CDKL5: variants seen among roughly 807,000 people sequenced by gnomAD.
The protein encoded by CDKL5 is cyclin-dependent kinase-like 5.
A neutral mutation model predicts 61.7 loss-of-function variants in CDKL5; 8 were observed. The observed-to-expected ratio is 0.13, with a 90% confidence interval of 0.08 to 0.23. The LOEUF (loss-of-function observed/expected upper bound fraction) is 0.23, where lower values mean the gene tolerates loss of function less well. Among genes scored for constraint, CDKL5 ranks in the 10% least tolerant of loss-of-function variants. CDKL5 has a pLI of 1.00. For synonymous variants in CDKL5, 275 were observed against 272.3 expected (o/e 1.01, Z -0.10); for missense variants, 440 against 734.5 (o/e 0.60, Z 4.63).
chrX:18,570,412 T>C (rs1925099186), intron 4 of CDKL5, among the ~76,000 whole-genome samples: 1 of 111,894 alleles, frequency 8.9e-6, no homozygotes, highest in South Asian at 3.8e-4. Context: ...CTCTAAAGAT[T>C]GGAGGGTCCT....
chrX:18,445,277 C>T (rs1183226869), intron 1 of CDKL5, among the ~76,000 whole-genome samples: 2 of 110,137 alleles, frequency 1.8e-5, no homozygotes, highest in Non-Finnish European at 3.8e-5. Context: ...AGGGTTTCAC[C>T]ATGTTGGTCA....
At position 18,533,152 on chromosome X, in the gene CDKL5, A is replaced by G. The variant is rs984586353; in HGVS notation, c.99+22298A>G. Among the ~76,000 whole-genome samples the G allele has an allele frequency of 5.3e-5, 6 of 112,249 alleles. No homozygotes were observed. In the Admixed American group the frequency reaches 5.7e-4, roughly 11 times the overall value. On this transcript the variant is annotated intron_variant, in intron 3 of 17. Coordinates refer to ENST00000623535, the MANE Select transcript of CDKL5 (RefSeq NM_001323289.2). Reference sequence around the variant, plus strand: ...TTTTAAAATGATTTGCCGTACTGAAAGGATTTGGTTGAAAATAATTAATTT... The same window carrying G: ...TTTTAAAATGATTTGCCGTACTGAAGGGATTTGGTTGAAAATAATTAATTT...
At chrX:18,557,734 T>C (rs1034698844) in intron 3 of CDKL5, among the ~76,000 whole-genome samples, 11 of 112,052 alleles carry the variant, frequency 9.8e-5, no homozygotes, top group Admixed American at 1.9e-4. Flanking sequence ...TAATACCAAT[T>C]AGTTGCTTTG....
intron 5 of CDKL5, among the ~76,000 whole-genome samples, chrX:18,577,468 G>A (rs1925336229): frequency 8.9e-6 from 1 of 112,147 alleles, no homozygotes; most frequent in African/African-American, 3.2e-5. Context: ...ATAAGGGACT[G>A]GTAACAGAGA....
downstream of CDKL5, chrX:18,642,105 G>A (rs61753174): frequency 1.7e-6 from 2 of 1,211,537 alleles, no homozygotes; most frequent in Non-Finnish European, 2.2e-6. Flanking sequence ...ATGATGGGGG[G>A]CCGCAGCAGG....
chrX:18,475,934 A>C (rs1463991071), intron 1 of CDKL5, among the ~76,000 whole-genome samples: 1 of 112,506 alleles, frequency 8.9e-6, no homozygotes, highest in South Asian at 3.6e-4. Flanking sequence ...AAAACAAGTA[A>C]CATTACTATT....
intron 1 of CDKL5, among the ~76,000 whole-genome samples, chrX:18,486,953 T>TA (rs1283471637): frequency 3.0e-3 from 312 of 103,044 alleles, no homozygotes; most frequent in Non-Finnish European, 4.2e-3. Context: ...TCCTCATTCC[T>TA]AAAAAAAAAA....
rs565218635 is a variant in CDKL5 at position 18,487,386 on chromosome X, C to T, written c.-162-19549C>T. Among the ~76,000 whole-genome samples, 10 of 112,643 alleles carry T rather than the reference C, an allele frequency of 8.9e-5. No homozygotes were observed. The South Asian group carries it at 3.3e-3, about 37-fold the overall frequency. Reference sequence around the variant, plus strand: ...GATCATAGCTTACTGCAGGCTTGAACTCCTAAGCTCAAGCTATCCTTCTGT... The same window carrying T: ...GATCATAGCTTACTGCAGGCTTGAATTCCTAAGCTCAAGCTATCCTTCTGT... On this transcript the variant is annotated intron_variant, in intron 1 of 17. Transcript: ENST00000623535.
chrX:18,440,553 A>G (rs1931714720), intron 1 of CDKL5, among the ~76,000 whole-genome samples: 1 of 111,403 alleles, frequency 9.0e-6, no homozygotes, highest in African/African-American at 3.3e-5. Context: ...GGCTCACTGC[A>G]ACCTCTGCCT....
chrX:18,644,269 G>A (rs1239295876), downstream of CDKL5, among the ~76,000 whole-genome samples: 5 of 111,866 alleles, frequency 4.5e-5, no homozygotes, highest in Non-Finnish European at 9.4e-5. Flanking sequence ...ACCAAAGCAA[G>A]CCCAGGAAAG....
intron 3 of CDKL5, among the ~76,000 whole-genome samples, chrX:18,530,782 G>A (rs1923617565): frequency 9.0e-6 from 1 of 111,502 alleles, no homozygotes; most frequent in Non-Finnish European, 1.9e-5. Context: ...GAATAAATAG[G>A]CCTTTAGTGT....
chrX:18,614,099 C>A (rs188127248), intron 15 of CDKL5, among the ~76,000 whole-genome samples: 1 of 111,330 alleles, frequency 9.0e-6, no homozygotes, highest in Non-Finnish European at 1.9e-5. Context: ...GGATTTGGAA[C>A]AAGACCAGTC....
chrX:18,502,784 A>G (rs986210747), intron 1 of CDKL5, among the ~76,000 whole-genome samples: 1 of 111,983 alleles, frequency 8.9e-6, no homozygotes, highest in Non-Finnish European at 1.9e-5. Flanking sequence ...CCTATTCAGT[A>G]GGGCATCCTG....
intron 19 of CDKL5, among the ~76,000 whole-genome samples, chrX:18,645,315 C>T: frequency 9.0e-6 from 1 of 111,173 alleles, no homozygotes; most frequent in Admixed American, 9.6e-5. Context: ...CCTGACTTTT[C>T]ACTTCTATCC....
intron 1 of CDKL5, among the ~76,000 whole-genome samples, chrX:18,457,757 A>G (rs1023041856): frequency 8.4e-5 from 9 of 107,220 alleles, no homozygotes; most frequent in Non-Finnish European, 1.5e-4. Flanking sequence ...CTGGGATTAC[A>G]GGTGCATGCT....
In CDKL5 at chrX:18,630,566, T is replaced by C. The variant is rs1189604466; in HGVS notation, c.*1809T>C. ...ATAGCTCTGATGATTATGAAGATTA[T>C]AAAGACTAAGGTCCTAGTTTCCCTG... On this transcript the variant is annotated 3_prime_UTR_variant, in exon 18 of 18. Coordinates refer to ENST00000623535, the MANE Select transcript of CDKL5 (RefSeq NM_001323289.2). 1.3e-6 allele frequency: 1 copy of C among 750,337 alleles called. No homozygotes were observed. Among genetic ancestry groups the C allele is most frequent in the East Asian group, 1.5e-4 (1 of 6,571 alleles). The allele number at this position is 750,337 out of a possible 1,213,427, so 61.8% of individuals were successfully genotyped here.
chrX:18,513,646 T>G (rs1418813519), intron 3 of CDKL5, among the ~76,000 whole-genome samples: 1 of 111,798 alleles, frequency 8.9e-6, no homozygotes, highest in African/African-American at 3.2e-5. Flanking sequence ...GATGGAAAAT[T>G]TAAAGCATAA....
intron 3 of CDKL5, among the ~76,000 whole-genome samples, chrX:18,516,019 A>G (rs1602235803): frequency 1.0e-5 from 1 of 98,384 alleles, no homozygotes. Context: ...TCTCTCTCTC[A>G]CTGTGTTGCC....
intron 1 of CDKL5, among the ~76,000 whole-genome samples, chrX:18,483,441 G>A (rs1373470240): frequency 1.8e-5 from 2 of 109,325 alleles, no homozygotes; most frequent in African/African-American, 6.7e-5. Flanking sequence ...TTTTTGAGAT[G>A]GAGTCTCGCT....
Sources: gnomAD v4.1 joint callset for allele counts (sites outside exome capture counted in the v4.1 genomes callset) on GRCh38, gnomAD v4.1.1 for gene constraint, MANE v1.5 for transcripts, NCBI Gene and HGNC (gene_info 2026-07-23, HGNC 2026-07-21) for gene names.